Variants in CSMD1 observed in about 807,000 individuals in gnomAD.
CSMD1 encodes CUB and Sushi multiple domains 1, also known as CUB and sushi domain-containing protein 1.
CSMD1 carries 213 observed loss-of-function variants against 417.5 expected under a neutral mutation model. The ratio of observed to expected loss-of-function variants is 0.51; its 90% CI spans 0.46 to 0.57. CSMD1 has a LOEUF of 0.57. Ranked by LOEUF, CSMD1 falls within the 20% of genes least tolerant of loss-of-function variation. CSMD1 has a pLI of 0.00. For missense variants in CSMD1, 6,923 were observed against 4,529.7 expected (o/e 1.53, Z -15.17); for synonymous variants, 2,862 against 1,736.8 (o/e 1.65, Z -16.11).
At chr8:3,461,353 TG>T (rs1319859960) in intron 12 of CSMD1, among the ~76,000 whole-genome samples, 3 of 152,144 alleles carry the variant, frequency 2.0e-5, no homozygotes, top group African/African-American at 7.2e-5. Context: ...GAGAGTATGC[TG>T]GGAAGGATGT....
chr8:4,670,699 C>T (rs192000631), intron 1 of CSMD1, among the ~76,000 whole-genome samples: 7 of 152,234 alleles, frequency 4.6e-5, no homozygotes, highest in African/African-American at 9.6e-5. Flanking sequence ...ATAGGATTCA[C>T]GTCTCTTAAG....
At chr8:4,410,891 A>G (rs546862611) in intron 3 of CSMD1, among the ~76,000 whole-genome samples, 10 of 152,338 alleles carry the variant, frequency 6.6e-5, no homozygotes, top group East Asian at 1.9e-4. Context: ...CTTAGAGGTT[A>G]TAAGTTCAAT....
intron 5 of CSMD1, among the ~76,000 whole-genome samples, chr8:3,834,608 A>G (rs937189744): frequency 6.6e-6 from 1 of 152,208 alleles, no homozygotes; most frequent in African/African-American, 2.4e-5. Context: ...ATGTGAAGGT[A>G]ATACGTTTCA....
chr8:4,946,475 G>A (rs929735462), intron 1 of CSMD1, among the ~76,000 whole-genome samples: 1 of 152,066 alleles, frequency 6.6e-6, no homozygotes, highest in African/African-American at 2.4e-5. Flanking sequence ...ACCCTCTATG[G>A]AGACTACCCT....
At chr8:3,128,744 A>G in intron 41 of CSMD1, 1 of 395,946 alleles carries the variant, frequency 2.5e-6, no homozygotes, top group Non-Finnish European at 4.9e-6. Context: ...ATTTATTTTT[A>G]TATCTCAGTG....
At chr8:4,268,928 G>C (rs909669832) in intron 3 of CSMD1, among the ~76,000 whole-genome samples, 2 of 152,122 alleles carry the variant, frequency 1.3e-5, no homozygotes, top group Non-Finnish European at 2.9e-5. Flanking sequence ...GCTATTTGGA[G>C]AATTACAATT....
intron 3 of CSMD1, among the ~76,000 whole-genome samples, chr8:4,247,986 C>CA (rs1484044579): frequency 6.6e-6 from 1 of 152,126 alleles, no homozygotes; most frequent in African/African-American, 2.4e-5. Context: ...AACCAACCTT[C>CA]AGTTTAAGTT....
chr8:4,757,292 A>C (rs1030762556), intron 1 of CSMD1, among the ~76,000 whole-genome samples: 2 of 152,216 alleles, frequency 1.3e-5, no homozygotes, highest in Non-Finnish European at 2.9e-5. Flanking sequence ...AATAAAAGAT[A>C]TACGTGACTA....
intron 26 of CSMD1, among the ~76,000 whole-genome samples, chr8:3,273,949 T>C (rs1167293317): frequency 6.6e-6 from 1 of 151,988 alleles, no homozygotes; most frequent in Non-Finnish European, 1.5e-5. Flanking sequence ...CTGATTTTAG[T>C]TATTTCTTGC....
At chr8:4,055,894 A>G (rs1382618729) in intron 3 of CSMD1, among the ~76,000 whole-genome samples, 1 of 152,118 alleles carries the variant, frequency 6.6e-6, no homozygotes, top group Non-Finnish European at 1.5e-5. Flanking sequence ...TTACATACAA[A>G]TGATGAGTCA....
chr8:4,524,103 A>G (rs942510658), intron 2 of CSMD1, among the ~76,000 whole-genome samples: 1 of 152,168 alleles, frequency 6.6e-6, no homozygotes, highest in African/African-American at 2.4e-5. Context: ...AGTCCCAAGA[A>G]AAAACTCCCC....
At chr8:3,977,193 A>G (rs1483794496) in intron 5 of CSMD1, among the ~76,000 whole-genome samples, 1 of 152,060 alleles carries the variant, frequency 6.6e-6, no homozygotes, top group Non-Finnish European at 1.5e-5. Context: ...TTTCCCTGGG[A>G]TCACAATCAG....
intron 2 of CSMD1, among the ~76,000 whole-genome samples, chr8:4,617,806 T>A (rs1801559823): frequency 6.6e-6 from 1 of 152,118 alleles, no homozygotes; most frequent in Admixed American, 6.6e-5. Flanking sequence ...TGTTAAATTT[T>A]TTATCTCCCT....
At chr8:4,460,196 G>C (rs1212909028) in intron 2 of CSMD1, among the ~76,000 whole-genome samples, 1 of 152,050 alleles carries the variant, frequency 6.6e-6, no homozygotes, top group African/African-American at 2.4e-5. Context: ...ATTAGAATTT[G>C]AGAAATAATA....
intron 5 of CSMD1, among the ~76,000 whole-genome samples, chr8:3,943,808 T>C (rs891440565): frequency 6.6e-6 from 1 of 152,094 alleles, no homozygotes; most frequent in African/African-American, 2.4e-5. Context: ...AATTGGCCCT[T>C]ACTCTCCAAA....
intron 5 of CSMD1, among the ~76,000 whole-genome samples, chr8:3,855,427 CAA>C (rs370400670): frequency 0.027 from 4,101 of 152,042 alleles, 176 homozygotes; most frequent in African/African-American, 0.09. Flanking sequence ...CTATAAAAAA[CAA>C]AAAAGTTTAA....
chr8:3,897,801 C>T (rs1199981740), intron 5 of CSMD1, among the ~76,000 whole-genome samples: 1 of 152,138 alleles, frequency 6.6e-6, no homozygotes. Context: ...GGGCTATTTG[C>T]TTCGTAAGTT....
chr8:3,473,349 G>C (rs919680835), intron 11 of CSMD1, among the ~76,000 whole-genome samples: 2 of 152,104 alleles, frequency 1.3e-5, no homozygotes, highest in African/African-American at 4.8e-5. Flanking sequence ...TTATATTTAT[G>C]AGAAGAACTG....
intron 23 of CSMD1, among the ~76,000 whole-genome samples, chr8:3,320,289 T>A: frequency 6.6e-6 from 1 of 152,132 alleles, no homozygotes; most frequent in East Asian, 1.9e-4. Flanking sequence ...CCAAATTCTG[T>A]CCCGGACTCA....
Sources: allele counts gnomAD v4.1 joint callset (sites outside exome capture counted in the v4.1 genomes callset), GRCh38; gene constraint gnomAD v4.1.1; transcripts MANE v1.5; gene names NCBI Gene and HGNC (gene_info 2026-07-23, HGNC 2026-07-21).